POFUT1: variants seen among roughly 807,000 people sequenced by gnomAD.
POFUT1 encodes protein O-fucosyltransferase 1, also known as GDP-fucose protein O-fucosyltransferase 1.
Under a neutral mutation model 42.4 loss-of-function variants are expected in POFUT1, and 16 were observed. The observed-to-expected ratio is 0.38, with a 90% confidence interval of 0.26 to 0.57. The LOEUF (loss-of-function observed/expected upper bound fraction) is 0.57, where lower values mean the gene tolerates loss of function less well. POFUT1 is among the 20% of genes least tolerant of loss of function. POFUT1 has a pLI of 0.71. For synonymous variants in POFUT1, 206 were observed against 205.4 expected (o/e 1.00, Z -0.03); for missense variants, 470 against 504.6 (o/e 0.93, Z 0.66).
chr20:32,230,244 G>A (rs1262042551), intron 5 of POFUT1, among the ~76,000 whole-genome samples: 1 of 152,014 alleles, frequency 6.6e-6, no homozygotes, highest in Admixed American at 6.5e-5. Flanking sequence ...AAAATTAGCT[G>A]GGCGTGGTGG....
Position 32,230,850 on chromosome 20 carries a change from C to T in POFUT1, c.767C>T (p.Thr256Ile), listed in dbSNP as rs756559826. ...KNACAMLKDG[T>I]AGSHFMASPQ... Reference sequence around the variant, plus strand: ...GCCTGTGCCATGCTGAAGGACGGGACTGCAGGCTCGCACTTCATGGCCTCT... The same window carrying T: ...GCCTGTGCCATGCTGAAGGACGGGATTGCAGGCTCGCACTTCATGGCCTCT... The change falls in exon 6 of 7, where the codon ACT (threonine) becomes ATT (isoleucine). Residue 256 changes from threonine to isoleucine, a missense_variant. Coordinates refer to ENST00000375749, the MANE Select transcript of POFUT1 (RefSeq NM_015352.2). The T allele has an allele frequency of 6.2e-7, 1 of 1,614,094 alleles. No individual in the cohort carries two copies. Among genetic ancestry groups the T allele is most frequent in the Non-Finnish European group, 8.5e-7 (1 of 1,180,036 alleles).
chr20:32,218,631 G>C (rs553888750), intron 4 of POFUT1, among the ~76,000 whole-genome samples: 31 of 152,118 alleles, frequency 2.0e-4, no homozygotes, highest in Non-Finnish European at 3.5e-4. Flanking sequence ...CTGCCTGCAT[G>C]GTTCTCCCCC....
intron 4 of POFUT1, among the ~76,000 whole-genome samples, chr20:32,220,406 C>T (rs2047385446): frequency 6.6e-6 from 1 of 152,126 alleles, no homozygotes; most frequent in African/African-American, 2.4e-5. Flanking sequence ...GCTGGGATTA[C>T]ATCATGAGCC....
chr20:32,234,847 T>G lies in POFUT1; in HGVS notation c.*186T>G, dbSNP rs527710695. ...GCTCCATATCCCAGGGCATAGGACT[T>G]GCAGGTTCCTAGGAGCAGGAGCATC... On this transcript the variant is annotated 3_prime_UTR_variant, in exon 7 of 7. Coordinates refer to ENST00000375749, the MANE Select transcript of POFUT1 (RefSeq NM_015352.2). The G allele has an allele frequency of 1.9e-6, 1 of 540,294 alleles. No homozygotes were observed. Among genetic ancestry groups the G allele is most frequent in the Non-Finnish European group, 3.2e-6 (1 of 309,456 alleles). 33.5% of individuals were successfully genotyped at this position (540,294 alleles called of 1,614,324 possible). A position where few individuals can be genotyped will look rare whatever the true frequency, so the allele number is the denominator to read the frequency against.
At chr20:32,217,365 C>A (rs2047367644) in intron 4 of POFUT1, 1 of 1,117,686 alleles carries the variant, frequency 8.9e-7, no homozygotes, top group African/African-American at 1.6e-5. Flanking sequence ...CAGGAAAGAC[C>A]ATGGGCTTAG....
At chr20:32,210,282 TC>T in intron 2 of POFUT1, 90 bp downstream of exon 2, 1 of 1,327,956 alleles carries the variant, frequency 7.5e-7, no homozygotes, top group Non-Finnish European at 1.1e-6. Context: ...GGGCTTTACC[TC>T]CCACTCCTCT....
At chr20:32,217,704 C>T in intron 4 of POFUT1, 11 of 985,468 alleles carry the variant, frequency 1.1e-5, no homozygotes, top group Non-Finnish European at 1.2e-5. Context: ...ATACACTAAG[C>T]AGCCAGCCAG....
chr20:32,216,343 C>G (rs970913514), intron 3 of POFUT1, among the ~76,000 whole-genome samples: 1 of 152,184 alleles, frequency 6.6e-6, no homozygotes, highest in African/African-American at 2.4e-5. Flanking sequence ...CTGCTTCTCC[C>G]CAGACCCTCA....
intron 6 of POFUT1, among the ~76,000 whole-genome samples, chr20:32,233,217 A>G (rs191790755): frequency 6.6e-6 from 1 of 152,352 alleles, no homozygotes; most frequent in African/African-American, 2.4e-5. Context: ...TGTGTGCTCC[A>G]AAGTAGAGCA....
At chr20:32,232,735 G>C (rs562116146) in intron 6 of POFUT1, among the ~76,000 whole-genome samples, 2 of 151,236 alleles carry the variant, frequency 1.3e-5, no homozygotes. Context: ...GAGTTTTTTT[G>C]TGAGTTTTTG....
At chr20:32,208,524 G>C (rs2047306959) in intron 1 of POFUT1, among the ~76,000 whole-genome samples, 1 of 151,878 alleles carries the variant, frequency 6.6e-6, no homozygotes, top group African/African-American at 2.4e-5. Flanking sequence ...ACAAACAATT[G>C]AGAATAAGTA....
At chr20:32,212,275 T>C (rs1461354753) in intron 2 of POFUT1, among the ~76,000 whole-genome samples, 1 of 152,072 alleles carries the variant, frequency 6.6e-6, no homozygotes, top group Non-Finnish European at 1.5e-5. Context: ...CTGTGTTTCT[T>C]TTTTCTTTTT....
Position 32,216,716 on chromosome 20 carries a change from C to A in POFUT1, c.537C>A (p.Ser179Arg), listed in dbSNP as rs761410603. ...GTGCTTCCTACAGAGAACAATGGAG[C>A]CAGAGGTACTTGGAGGGGGTAGCGT... ...SFSASYREQWSQRFSPKEHPV... is the reference protein window; with the variant it reads ...SFSASYREQWRQRFSPKEHPV... The change falls in exon 4 of 7, where the codon AGC becomes AGA. Residue 179 changes from serine (S) to arginine (R), a missense_variant. Coordinates refer to ENST00000375749, the MANE Select transcript of POFUT1 (RefSeq NM_015352.2). 1 of 1,604,778 alleles carries A rather than the reference C, an allele frequency of 6.2e-7. No homozygotes were observed. The highest frequency in any genetic ancestry group is 8.5e-7 in the Non-Finnish European group (1 of 1,171,570).
chr20:32,217,094 G>T (rs2047365993), intron 4 of POFUT1: 1 of 1,608,674 alleles, frequency 6.2e-7, no homozygotes, highest in East Asian at 2.2e-5. Flanking sequence ...TGCAGACCGA[G>T]AAATGACGTC....
At chr20:32,216,796 C>T in intron 4 of POFUT1, 75 bp downstream of exon 4, 4 of 1,360,886 alleles carry the variant, frequency 2.9e-6, no homozygotes, top group Non-Finnish European at 3.1e-6. Context: ...CCTTCTGGCA[C>T]TCTCCCCATC....
chr20:32,222,975 G>A (rs1256007954), intron 4 of POFUT1: 8 of 985,072 alleles, frequency 8.1e-6, no homozygotes, highest in Non-Finnish European at 9.6e-6. Context: ...CTTCATGGCA[G>A]GGACATCCAG....
chr20:32,215,326 G>A lies in POFUT1; in HGVS notation c.304G>A (p.Val102Ile), dbSNP rs2047353784. 6.2e-7 allele frequency: 1 copy of A among 1,614,088 alleles called. No individual in the cohort carries two copies. The highest frequency in any genetic ancestry group is 2.2e-5 in the East Asian group (1 of 44,878). The change falls in exon 3 of 7, where the codon GTC becomes ATC. Residue 102 changes from valine to isoleucine, a missense_variant. By Grantham distance (29) the Val-to-Ile change is conservative (BLOSUM62 3). Coordinates refer to ENST00000375749, the MANE Select transcript of POFUT1 (RefSeq NM_015352.2). ...KLEPLQAYHR[V>I]ISLEDFMEKL... ...GGAGCCCCTCCAGGCTTACCATCGG[G>A]TCATCAGCTTGGAGGATTTCATGGA...
At chr20:32,215,230 G>T (rs768912724) in intron 2 of POFUT1, 39 bp from the exon 3 acceptor site, 4 of 1,540,732 alleles carry the variant, frequency 2.6e-6, no homozygotes, top group Non-Finnish European at 3.6e-6. Flanking sequence ...TAGCCACGGG[G>T]GCACTGAGAC....
At position 32,236,346 on chromosome 20, in the gene POFUT1, T is replaced by C. The variant is rs1345980671; in HGVS notation, c.*1685T>C. The stretch of plus-strand genomic sequence containing the variant: ...GCTCCAGTGGGGCCCGCCTAATTTT[T>C]TTTCCCCCCAAGACAGGGCCTTGCT... On this transcript the variant is annotated 3_prime_UTR_variant, in exon 7 of 7. Coordinates refer to ENST00000375749, the MANE Select transcript of POFUT1 (RefSeq NM_015352.2). 1 of 152,250 alleles carries C rather than the reference T, an allele frequency of 6.6e-6. No individual in the cohort carries two copies. Among genetic ancestry groups the C allele is most frequent in the Admixed American group, 6.5e-5 (1 of 15,278 alleles). The allele number at this position is 152,250 out of a possible 1,614,324, so 9.4% of individuals were successfully genotyped here.
Sources: allele counts gnomAD v4.1 joint callset (sites outside exome capture counted in the v4.1 genomes callset), GRCh38; gene constraint gnomAD v4.1.1; transcripts MANE v1.5; gene names NCBI Gene and HGNC (gene_info 2026-07-23, HGNC 2026-07-21).